Variants in USP37 observed in about 807,000 individuals in gnomAD.
USP37 encodes the protein ubiquitin specific peptidase 37.
Under a neutral mutation model 124.0 loss-of-function variants are expected in USP37, and 27 were observed. The ratio of observed to expected loss-of-function variants is 0.22; its 90% CI spans 0.16 to 0.30. USP37 has a LOEUF of 0.30. Ranked by LOEUF, USP37 falls within the 10% of genes least tolerant of loss-of-function variation. The probability of loss-of-function intolerance (pLI) is 1.00; values close to 1 mark genes in which losing one functional copy is unlikely to be tolerated. For synonymous variants in USP37, 365 were observed against 388.0 expected, an observed-to-expected ratio of 0.94 and a Z score of 0.70; for missense variants, 889 against 1,140.4, an observed-to-expected ratio of 0.78 and a Z score of 3.17.
At chr2:218,492,869 G>T (rs1429457956) in intron 14 of USP37, among the ~76,000 whole-genome samples, 1 of 152,138 alleles carries the variant, frequency 6.6e-6, no homozygotes, top group East Asian at 1.9e-4. Context: ...GCTGGGTGTG[G>T]TGGCATGTGC....
chr2:218,530,434 A>G (rs1169424427), intron 9 of USP37, among the ~76,000 whole-genome samples: 1 of 152,192 alleles, frequency 6.6e-6, no homozygotes, highest in Non-Finnish European at 1.5e-5. Context: ...GTTTTGGGGT[A>G]CCACGAACTG....
Position 218,546,274 on chromosome 2 carries a change from T to C in USP37, c.627A>G (p.Ile209Met). ...CTTCATTCAATTCTGAGCCAGTTGA[T>C]ATCATTCTTTTCCTCTTTTCAGTAC... The part of the protein sequence containing the change: ...ENRTEKRKRM[I>M]STGSELNEDY... The change falls in exon 8 of 26, where the codon ATA becomes ATG. Residue 209 changes from isoleucine to methionine, a missense_variant. Transcript: ENST00000258399. The C allele has an allele frequency of 6.2e-7, 1 of 1,613,060 alleles. No individual in the cohort carries two copies. Among genetic ancestry groups the C allele is most frequent in the Non-Finnish European group, 8.5e-7 (1 of 1,179,758 alleles).
intron 6 of USP37, among the ~76,000 whole-genome samples, chr2:218,549,028 T>C (rs1692522808): frequency 1.3e-5 from 2 of 152,098 alleles, no homozygotes; most frequent in Non-Finnish European, 1.5e-5. Flanking sequence ...ACCTAATCTA[T>C]AGTGGGAGAA....
chr2:218,542,045 C>T (rs914831147), intron 8 of USP37, among the ~76,000 whole-genome samples: 19 of 152,102 alleles, frequency 1.2e-4, no homozygotes, highest in African/African-American at 4.6e-4. Context: ...TCCCAGCCTC[C>T]CTGCCTCAAG....
chr2:218,548,921 A>G (rs958959697), intron 6 of USP37, among the ~76,000 whole-genome samples: 4 of 152,184 alleles, frequency 2.6e-5, no homozygotes, highest in African/African-American at 9.7e-5. Context: ...ATTCCAAGGA[A>G]TGTATGAATC....
chr2:218,528,565 T>TAAA (rs1691110916), intron 10 of USP37: 1 of 385,092 alleles, frequency 2.6e-6, no homozygotes, highest in African/African-American at 2.1e-5. Context: ...AGAATGATGG[T>TAAA]TTTCAGCTTC....
intron 10 of USP37, among the ~76,000 whole-genome samples, chr2:218,524,528 T>C (rs1344172888): frequency 1.3e-5 from 2 of 152,242 alleles, no homozygotes; most frequent in African/African-American, 2.4e-5. Flanking sequence ...TTATTAAGTA[T>C]TGGCTTTTAA....
chr2:218,558,450 C>T (rs1228210380), intron 4 of USP37, 48 bp downstream of exon 4: 1 of 1,556,636 alleles, frequency 6.4e-7, no homozygotes, highest in Non-Finnish European at 8.7e-7. Context: ...TAGCTATTTA[C>T]TAAATGATCT....
intron 17 of USP37, among the ~76,000 whole-genome samples, chr2:218,480,347 C>T (rs987381298): frequency 4.7e-5 from 6 of 126,596 alleles, no homozygotes; most frequent in South Asian, 5.3e-4. Context: ...TTGCAGTAAG[C>T]GGAGATGCGC....
rs570753857 is a variant in USP37 at position 218,506,945 on chromosome 2, C to T, written c.1025+3034G>A. ...CCGAATAGCTGGGATTACAGGCACC[C>T]GCCACCACATCCAGCTAATTTTTTT... On this transcript the variant is annotated intron_variant, in intron 11 of 25. Transcript: ENST00000258399. Among the ~76,000 whole-genome samples the T allele has an allele frequency of 1.2e-4, 18 of 151,816 alleles. No individual in the cohort carries two copies. In the East Asian group the frequency reaches 3.1e-3, roughly 26 times the overall value.
intron 20 of USP37, chr2:218,473,048 T>C (rs1690781101): frequency 6.6e-6 from 1 of 152,222 alleles, no homozygotes; most frequent in African/African-American, 2.4e-5. Flanking sequence ...AGGCTGTTTT[T>C]TTCCCCATAC....
chr2:218,512,644 G>A (rs189036513), intron 10 of USP37, among the ~76,000 whole-genome samples: 7 of 152,306 alleles, frequency 4.6e-5, no homozygotes, highest in Admixed American at 3.3e-4. Flanking sequence ...CCTTATTAGT[G>A]TCTAAACCCC....
chr2:218,460,409 G>C (rs921072781), intron 22 of USP37, among the ~76,000 whole-genome samples: 4 of 152,164 alleles, frequency 2.6e-5, no homozygotes, highest in East Asian at 3.9e-4. Flanking sequence ...CGGGAGACAT[G>C]GTATCTGTAA....
chr2:218,458,272 A>C (rs1341667606), intron 23 of USP37, among the ~76,000 whole-genome samples: 2 of 145,476 alleles, frequency 1.4e-5, no homozygotes, highest in African/African-American at 5.1e-5. Flanking sequence ...AAAAAAAAAA[A>C]AAAACAACTC....
At chr2:218,521,562 C>T (rs1690622874) in intron 10 of USP37, among the ~76,000 whole-genome samples, 1 of 152,154 alleles carries the variant, frequency 6.6e-6, no homozygotes, top group Non-Finnish European at 1.5e-5. Flanking sequence ...CATTGTTCAA[C>T]TGCCACTTAT....
rs1444261840 is a variant in USP37, at chr2:218,489,847, G to A, written c.1473-1426C>T. Among the ~76,000 whole-genome samples, 6 of 152,230 alleles carry A rather than the reference G, an allele frequency of 3.9e-5. No homozygotes were observed. In the Middle Eastern group the frequency reaches 0.01, roughly 259 times the overall value. On this transcript the variant is annotated intron_variant, in intron 14 of 25. Transcript: ENST00000258399. ...TGCCTGTTTTTGAACCTTTTATAAT[G>A]GGATTATGCAATATGTTTTCTTTTA...
chr2:218,493,281 C>T (rs1330678754), intron 14 of USP37, among the ~76,000 whole-genome samples: 4 of 152,146 alleles, frequency 2.6e-5, no homozygotes, highest in African/African-American at 9.7e-5. Context: ...AATGAAGCAA[C>T]AGAACCCTAT....
At chr2:218,455,084 G>T in intron 25 of USP37, 67 bp from the exon 26 acceptor site, 1 of 1,581,078 alleles carries the variant, frequency 6.3e-7, no homozygotes, top group South Asian at 1.1e-5. Flanking sequence ...ATAGGCAGGA[G>T]AAAAAGTAAA....
At chr2:218,549,464 CT>C (rs35795642) in intron 6 of USP37, among the ~76,000 whole-genome samples, 66,703 of 118,186 alleles carry the variant, frequency 0.56, 16,851 homozygotes, top group East Asian at 0.81. Context: ...CTATGACTAT[CT>C]TTTTTTTTTT....
Sources: allele counts gnomAD v4.1 joint callset (sites outside exome capture counted in the v4.1 genomes callset), GRCh38; gene constraint gnomAD v4.1.1; transcripts MANE v1.5; gene names NCBI Gene and HGNC (gene_info 2026-07-23, HGNC 2026-07-21).